Variants in CRIM1 observed in about 807,000 individuals in gnomAD.
The protein encoded by CRIM1 is cysteine rich transmembrane BMP regulator 1, also known as cysteine-rich motor neuron 1 protein.
Under a neutral mutation model 116.4 loss-of-function variants are expected in CRIM1, and 32 were observed. The observed-to-expected ratio is 0.27, with a 90% confidence interval of 0.21 to 0.37. The LOEUF (loss-of-function observed/expected upper bound fraction) is 0.37. Among genes scored for constraint, CRIM1 ranks in the 10% least tolerant of loss-of-function variants. The pLI, the probability that CRIM1 is intolerant of heterozygous loss-of-function variation, is 1.00. For synonymous variants in CRIM1, 590 were observed against 509.2 expected (o/e 1.16, Z -2.13); for missense variants, 1,331 against 1,354.8 (o/e 0.98, Z 0.28).
chr2:36,468,900 G>A lies in CRIM1; in HGVS notation c.991+4245G>A, dbSNP rs546354538. Reference sequence around the variant, plus strand: ...TATACACAAACATCTAGATAAAATGGAATATCTTGGTTGGAAAGTCGTAGC... The same window carrying A: ...TATACACAAACATCTAGATAAAATGAAATATCTTGGTTGGAAAGTCGTAGC... On this transcript the variant is annotated intron_variant, in intron 5 of 16. Transcript: ENST00000280527. 3.4e-4 allele frequency among the ~76,000 whole-genome samples: 52 copies of A among 152,344 alleles called. 2 individuals are homozygous for A. In the East Asian group the frequency reaches 5.4e-3, roughly 16 times the overall value.
intron 14 of CRIM1, among the ~76,000 whole-genome samples, chr2:36,541,839 T>G (rs1483876130): frequency 1.3e-5 from 2 of 151,836 alleles, no homozygotes; most frequent in Non-Finnish European, 2.9e-5. Flanking sequence ...ACCAGAAGGG[T>G]TATATTTTAG....
intron 13 of CRIM1, among the ~76,000 whole-genome samples, chr2:36,535,669 C>T (rs907962068): frequency 6.6e-6 from 1 of 152,146 alleles, no homozygotes; most frequent in African/African-American, 2.4e-5. Context: ...TTCTAACACC[C>T]TCCCAATGGA....
chr2:36,365,550 G>C (rs1669532160), intron 1 of CRIM1, among the ~76,000 whole-genome samples: 1 of 152,174 alleles, frequency 6.6e-6, no homozygotes, highest in Non-Finnish European at 1.5e-5. Flanking sequence ...AGTCATTCTA[G>C]CCATCTTTGA....
At chr2:36,500,335 A>C (rs1680899213) in intron 8 of CRIM1, among the ~76,000 whole-genome samples, 1 of 152,182 alleles carries the variant, frequency 6.6e-6, no homozygotes, top group Non-Finnish European at 1.5e-5. Context: ...CTGTCTCAGA[A>C]AAAGGTACTC....
chr2:36,427,257 A>G (rs1420688368), intron 2 of CRIM1, among the ~76,000 whole-genome samples: 1 of 151,966 alleles, frequency 6.6e-6, no homozygotes, highest in African/African-American at 2.4e-5. Context: ...AGAAATAGAG[A>G]AGGCTGGCTT....
At chr2:36,452,670 G>T (rs548610162) in intron 4 of CRIM1, among the ~76,000 whole-genome samples, 1 of 147,872 alleles carries the variant, frequency 6.8e-6, no homozygotes, top group South Asian at 2.1e-4. Flanking sequence ...TGTGTTTCCT[G>T]TACTAGGGCC....
intron 13 of CRIM1, among the ~76,000 whole-genome samples, chr2:36,527,823 C>T (rs1022658949): frequency 2.6e-5 from 4 of 152,134 alleles, no homozygotes; most frequent in African/African-American, 9.7e-5. Context: ...TGATGGTGCC[C>T]ACCTTCATTG....
chr2:36,470,660 A>G (rs963170451), intron 5 of CRIM1, among the ~76,000 whole-genome samples: 3 of 152,212 alleles, frequency 2.0e-5, no homozygotes, highest in African/African-American at 7.2e-5. Context: ...GCTCATTGAC[A>G]ATGCACCTGG....
intron 5 of CRIM1, among the ~76,000 whole-genome samples, chr2:36,470,667 C>G (rs1240544032): frequency 6.6e-6 from 1 of 152,176 alleles, no homozygotes. Context: ...GACAATGCAC[C>G]TGGTCTCCCA....
At chr2:36,536,947 C>T (rs921735807) in intron 13 of CRIM1, among the ~76,000 whole-genome samples, 5 of 152,058 alleles carry the variant, frequency 3.3e-5, no homozygotes, top group African/African-American at 1.2e-4. Flanking sequence ...CAGAGGAAAC[C>T]TGCTAGTTCC....
intron 3 of CRIM1, 134 bp from the exon 4 acceptor site, chr2:36,442,481 C>T: frequency 1.0e-6 from 1 of 974,840 alleles, no homozygotes; most frequent in Non-Finnish European, 1.6e-6. Flanking sequence ...ACTGGAGTAA[C>T]ATGTCGACAC....
At chr2:36,412,273 A>G (rs777013748) in intron 2 of CRIM1, among the ~76,000 whole-genome samples, 3 of 148,874 alleles carry the variant, frequency 2.0e-5, no homozygotes, top group Non-Finnish European at 4.4e-5. Context: ...GTTTTCTACA[A>G]ATGGGGGCGC....
intron 4 of CRIM1, among the ~76,000 whole-genome samples, chr2:36,448,790 T>C (rs543874399): frequency 1.3e-5 from 2 of 152,322 alleles, no homozygotes; most frequent in African/African-American, 2.4e-5. Context: ...TATTTTAAGG[T>C]AGAAATAAAT....
At chr2:36,512,221 T>C in intron 9 of CRIM1, 52 bp from the exon 10 acceptor site, 1 of 1,594,152 alleles carries the variant, frequency 6.3e-7, no homozygotes, top group Non-Finnish European at 8.6e-7. Context: ...TGCTTGGGCA[T>C]CATTTGAGAC....
intron 2 of CRIM1, among the ~76,000 whole-genome samples, chr2:36,416,879 A>G (rs3770906): frequency 0.024 from 3,722 of 152,294 alleles, 204 homozygotes; most frequent in East Asian, 0.22. Context: ...TCCTGAGCCC[A>G]GTCTGTCCTG....
chr2:36,468,682 A>G (rs1480723635), intron 5 of CRIM1, among the ~76,000 whole-genome samples: 1 of 152,178 alleles, frequency 6.6e-6, no homozygotes, highest in Non-Finnish European at 1.5e-5. Flanking sequence ...CAAATGTCCC[A>G]TCAGCCGTCA....
intron 2 of CRIM1, among the ~76,000 whole-genome samples, chr2:36,431,987 A>G (rs987878960): frequency 9.9e-5 from 15 of 152,232 alleles, no homozygotes; most frequent in African/African-American, 3.4e-4. Flanking sequence ...AATGGATGCC[A>G]CCTTCCGGTA....
At chr2:36,499,427 T>G (rs559369885) in intron 8 of CRIM1, 80 bp downstream of exon 8, 1 of 1,434,640 alleles carries the variant, frequency 7.0e-7, no homozygotes, top group African/African-American at 1.4e-5. Context: ...TGAATATCTT[T>G]TTCACTTCTG....
At chr2:36,385,365 T>G (rs1363428343) in intron 1 of CRIM1, among the ~76,000 whole-genome samples, 1 of 152,238 alleles carries the variant, frequency 6.6e-6, no homozygotes. Context: ...AGATTCCTTA[T>G]TGCAACTTCC....
Sources: gnomAD v4.1 joint callset for allele counts (sites outside exome capture counted in the v4.1 genomes callset) on GRCh38, gnomAD v4.1.1 for gene constraint, MANE v1.5 for transcripts, NCBI Gene and HGNC (gene_info 2026-07-23, HGNC 2026-07-21) for gene names.